ANO4: variants seen among roughly 807,000 people sequenced by gnomAD.
ANO4 encodes the protein anoctamin-4.
Under a neutral mutation model 141.9 loss-of-function variants are expected in ANO4, and 69 were observed. The observed-to-expected ratio is 0.49, with a 90% confidence interval of 0.40 to 0.59. The LOEUF is 0.59. ANO4 is among the 20% of genes least tolerant of loss of function. The pLI is 0.00. For missense variants in ANO4, 894 were observed against 1,162.2 expected, an observed-to-expected ratio of 0.77 and a Z score of 3.36; for synonymous variants, 350 against 394.3, an observed-to-expected ratio of 0.89 and a Z score of 1.33.
intron 14 of ANO4, among the ~76,000 whole-genome samples, chr12:101,053,756 T>C (rs1258894113): frequency 6.6e-6 from 1 of 152,204 alleles, no homozygotes; most frequent in Non-Finnish European, 1.5e-5. Flanking sequence ...AAGGTCACAT[T>C]GTGAGGTACT....
At chr12:100,922,146 A>G in intron 2 of ANO4, 80 bp from the exon 3 acceptor site, 1 of 995,156 alleles carries the variant, frequency 1.0e-6, no homozygotes, top group Middle Eastern at 2.2e-4. Context: ...TTGGATTTTG[A>G]CATAGCTTCT....
chr12:101,081,680 C>T (rs2049283725), intron 15 of ANO4, among the ~76,000 whole-genome samples: 1 of 152,122 alleles, frequency 6.6e-6, no homozygotes, highest in South Asian at 2.1e-4. Flanking sequence ...TGGGTGGCTT[C>T]AACAATAGAA....
intron 3 of ANO4, among the ~76,000 whole-genome samples, chr12:100,788,167 C>T (rs946217027): frequency 1.3e-5 from 2 of 152,160 alleles, no homozygotes; most frequent in South Asian, 4.2e-4. Context: ...TGAGACAGCT[C>T]CCTGGGAGGA....
chr12:100,971,324 G>A lies in ANO4; in HGVS notation c.475G>A (p.Asp159Asn). ...GTTTCAGTCCTCTCTAATAAATAGT[G>A]ACATTATCTTTGTGAAGTTGCATGC... is the stretch of plus-strand genomic sequence containing the variant. ...MEKESSLINS[D>N]IIFVKLHAPW... Residue 159 changes from aspartate (D) to asparagine (N), a missense_variant, in exon 6 of 28, where the codon GAC (aspartate) becomes AAC (asparagine). By Grantham distance (23) the Asp-to-Asn change is conservative. Around this residue, in one of 2 missense-constraint regions of ANO4, gnomAD observed 257 missense variants for 253.0 expected, o/e 1.02. Transcript: ENST00000392977. The A allele has an allele frequency of 3.7e-6, 6 of 1,609,808 alleles. No homozygotes were observed. The highest frequency in any genetic ancestry group is 5.1e-6 in the Non-Finnish European group (6 of 1,176,684).
At chr12:100,914,522 A>G (rs575550141) in intron 2 of ANO4, among the ~76,000 whole-genome samples, 18 of 152,230 alleles carry the variant, frequency 1.2e-4, no homozygotes, top group Non-Finnish European at 2.2e-4. Flanking sequence ...TACTAATAAA[A>G]TGACATGAAT....
At chr12:100,931,827 C>G (rs140934306) in intron 3 of ANO4, among the ~76,000 whole-genome samples, 31 of 152,182 alleles carry the variant, frequency 2.0e-4, no homozygotes, top group African/African-American at 6.5e-4. Context: ...TGAGTGTCTC[C>G]TACTTGGTAG....
At chr12:100,991,051 A>C (rs901860622) in intron 8 of ANO4, among the ~76,000 whole-genome samples, 2 of 152,218 alleles carry the variant, frequency 1.3e-5, no homozygotes, top group East Asian at 3.8e-4. Flanking sequence ...ATCAAACCGA[A>C]GAACCAGACC....
intron 9 of ANO4, among the ~76,000 whole-genome samples, chr12:101,021,304 G>C (rs988833544): frequency 1.3e-5 from 2 of 152,210 alleles, no homozygotes; most frequent in South Asian, 4.1e-4. Context: ...GGAGTACCAT[G>C]TGTTTCCAGC....
At chr12:100,908,601 A>AT (rs1465141525) in intron 2 of ANO4, among the ~76,000 whole-genome samples, 6 of 152,178 alleles carry the variant, frequency 3.9e-5, no homozygotes, top group Non-Finnish European at 7.3e-5. Context: ...CATTCTCTTT[A>AT]TTTTTAGTGT....
chr12:101,118,148 A>C (rs2137045296), intron 25 of ANO4, among the ~76,000 whole-genome samples: 1 of 152,286 alleles, frequency 6.6e-6, no homozygotes, highest in East Asian at 1.9e-4. Flanking sequence ...TCGTACATGA[A>C]ATTATTTAGC....
At position 100,890,285 on chromosome 12, in the gene ANO4, GAAT is replaced by G. The variant is rs539321840; in HGVS notation, c.-140-11359_-140-11357del. Among the ~76,000 whole-genome samples, 756 of 152,156 alleles carry G rather than the reference GAAT, an allele frequency of 5.0e-3. 3 individuals are homozygous for G. The highest frequency in any genetic ancestry group is 0.017 in the African/African-American group (718 of 41,504). ...TACAAGATAGACCCAGAATATGCAC[GAAT>G]ATCCATTCAACACAAAAGTCCATCT... On this transcript the variant is annotated intron_variant, in intron 1 of 27. Coordinates refer to ENST00000392977, the MANE Select transcript of ANO4 (RefSeq NM_001286615.2).
chr12:101,024,129 A>G (rs961251785), intron 9 of ANO4, among the ~76,000 whole-genome samples: 9 of 152,250 alleles, frequency 5.9e-5, no homozygotes, highest in Admixed American at 2.0e-4. Context: ...GAGCCATTTA[A>G]TAGCTCAACA....
At chr12:100,867,165 C>T (rs2038791466) in intron 1 of ANO4, among the ~76,000 whole-genome samples, 1 of 152,190 alleles carries the variant, frequency 6.6e-6, no homozygotes, top group South Asian at 2.1e-4. Context: ...AATATCACTT[C>T]TGGAGCCATA....
At chr12:100,728,725 C>T (rs1446951011) in intron 1 of ANO4, among the ~76,000 whole-genome samples, 1 of 152,122 alleles carries the variant, frequency 6.6e-6, no homozygotes, top group Non-Finnish European at 1.5e-5. Flanking sequence ...TGTCTAATTC[C>T]ACCACCTTTT....
chr12:101,119,877 T>C (rs2051010225), intron 25 of ANO4, among the ~76,000 whole-genome samples: 1 of 152,188 alleles, frequency 6.6e-6, no homozygotes, highest in African/African-American at 2.4e-5. Flanking sequence ...GAATAGTGCC[T>C]GGTCCCCAAC....
intron 3 of ANO4, among the ~76,000 whole-genome samples, chr12:100,767,130 A>AT (rs564763415): frequency 5.3e-5 from 8 of 152,036 alleles, no homozygotes; most frequent in East Asian, 3.9e-4. Flanking sequence ...ATATAGGTAT[A>AT]TTTTTTTCTT....
At chr12:101,040,848 G>T (rs1407084447) in intron 11 of ANO4, among the ~76,000 whole-genome samples, 2 of 151,232 alleles carry the variant, frequency 1.3e-5, no homozygotes, top group Non-Finnish European at 2.9e-5. Context: ...GTGAGAACAT[G>T]TGGTGTTTGG....
intron 1 of ANO4, among the ~76,000 whole-genome samples, chr12:100,845,044 TCCA>T (rs2037486411): frequency 6.6e-6 from 1 of 152,140 alleles, no homozygotes; most frequent in Non-Finnish European, 1.5e-5. Context: ...CTGAAAGTTG[TCCA>T]CCATGTGAAG....
intron 18 of ANO4, among the ~76,000 whole-genome samples, chr12:101,095,969 A>C (rs942858758): frequency 6.6e-6 from 1 of 152,230 alleles, no homozygotes; most frequent in Non-Finnish European, 1.5e-5. Flanking sequence ...ATATGAATTA[A>C]AACCTCTAAA....
Sources: gnomAD v4.1 joint callset for allele counts (sites outside exome capture counted in the v4.1 genomes callset) on GRCh38, gnomAD v4.1.1 for gene constraint, gnomAD v4.1.1 regional missense constraint, MANE v1.5 for transcripts, NCBI Gene and HGNC (gene_info 2026-07-23, HGNC 2026-07-21) for gene names.